Variants in TPST1 observed in about 807,000 individuals in gnomAD.
TPST1 encodes tyrosylprotein sulfotransferase 1.
A neutral mutation model predicts 34.8 loss-of-function variants in TPST1; 20 were observed. That is an observed-to-expected ratio of 0.57 (90% confidence interval 0.40 to 0.84). TPST1 has a LOEUF of 0.84. Ranked by LOEUF, TPST1 falls within the 40% of genes least tolerant of loss-of-function variation. TPST1 has a pLI of 0.00. For missense variants in TPST1, 353 were observed against 455.5 expected (o/e 0.78, Z 2.05); for synonymous variants, 152 against 159.4 (o/e 0.95, Z 0.35).
intron 3 of TPST1, among the ~76,000 whole-genome samples, chr7:66,331,954 T>G (rs1309471796): frequency 6.6e-6 from 1 of 152,206 alleles, no homozygotes; most frequent in Non-Finnish European, 1.5e-5. Flanking sequence ...GATCTTTCAC[T>G]GTCTCCGATC....
At chr7:66,212,837 G>A (rs1789294467) in intron 1 of TPST1, among the ~76,000 whole-genome samples, 1 of 152,024 alleles carries the variant, frequency 6.6e-6, no homozygotes, top group African/African-American at 2.4e-5. Flanking sequence ...TTAAGATTTT[G>A]TCAGCTGTTT....
At chr7:66,200,993 G>A (rs1562789789), upstream of TPST1, among the ~76,000 whole-genome samples, 1 of 152,110 alleles carries the variant, frequency 6.6e-6, no homozygotes, top group Non-Finnish European at 1.5e-5. Context: ...CTCCCAAAGT[G>A]CTGGCATTAC....
At chr7:66,260,031 G>C (rs1039014436) in intron 2 of TPST1, among the ~76,000 whole-genome samples, 1 of 152,070 alleles carries the variant, frequency 6.6e-6, no homozygotes, top group Non-Finnish European at 1.5e-5. Flanking sequence ...TTCAGATTGG[G>C]CTCTTTCACT....
At chr7:66,211,475 G>A (rs1038204862) in intron 1 of TPST1, among the ~76,000 whole-genome samples, 4 of 152,130 alleles carry the variant, frequency 2.6e-5, no homozygotes, top group Non-Finnish European at 4.4e-5. Flanking sequence ...CTGAAACCAT[G>A]CCTTATTTAT....
chr7:66,250,459 A>G (rs966893828), intron 2 of TPST1, among the ~76,000 whole-genome samples: 1 of 152,222 alleles, frequency 6.6e-6, no homozygotes, highest in South Asian at 2.1e-4. Context: ...CATAGGTTCA[A>G]ATCCTAGCAC....
At chr7:66,352,113 T>C (rs1441727785) in intron 3 of TPST1, among the ~76,000 whole-genome samples, 1 of 152,188 alleles carries the variant, frequency 6.6e-6, no homozygotes, top group Non-Finnish European at 1.5e-5. Context: ...CCTTGGAGAA[T>C]TCAAAAGGAA....
chr7:66,203,671 G>A (rs1789062012), upstream of TPST1, among the ~76,000 whole-genome samples: 1 of 151,620 alleles, frequency 6.6e-6, no homozygotes, highest in Admixed American at 6.6e-5. Flanking sequence ...ATTTTTAGTA[G>A]AGACGGGGTT....
chr7:66,234,826 G>A (rs904101631), intron 1 of TPST1, among the ~76,000 whole-genome samples: 1 of 151,452 alleles, frequency 6.6e-6, no homozygotes, highest in African/African-American at 2.4e-5. Context: ...ACAGGTGCCC[G>A]CCAACACGCC....
At chr7:66,295,851 G>T (rs1791181833) in intron 3 of TPST1, among the ~76,000 whole-genome samples, 1 of 151,992 alleles carries the variant, frequency 6.6e-6, no homozygotes, top group African/African-American at 2.4e-5. Flanking sequence ...GTGTTGGCCT[G>T]GCTGATCTCA....
In TPST1 at chr7:66,336,011, T is replaced by TA. The variant is rs550156659; in HGVS notation, c.1045-16489dup. Among the ~76,000 whole-genome samples, 16 of 152,266 alleles carry TA rather than the reference T, an allele frequency of 1.1e-4. No individual in the cohort carries two copies. In the South Asian group the frequency reaches 3.3e-3, roughly 32 times the overall value. On this transcript the variant is annotated intron_variant, in intron 3 of 5. Coordinates refer to ENST00000304842, the MANE Select transcript of TPST1 (RefSeq NM_003596.4). ...ACAGAGAATTCAGAATAAGCCTCTT[T>TA]AAAAAGTTCAGTGAATCTGCCAGGC...
chr7:66,263,739 CA>C (rs1790533515), intron 2 of TPST1, among the ~76,000 whole-genome samples: 1 of 152,130 alleles, frequency 6.6e-6, no homozygotes, highest in South Asian at 2.1e-4. Context: ...AGGAGAGAGG[CA>C]TTTCAAGTGG....
Position 66,236,958 on chromosome 7 carries a change from C to A in TPST1, c.-101-3367C>A, listed in dbSNP as rs986214717. 5.3e-5 allele frequency among the ~76,000 whole-genome samples: 8 copies of A among 152,186 alleles called. No homozygotes were observed. The South Asian group carries it at 1.4e-3, about 28-fold the overall frequency. ...AGGCATTTGTCCTCTGCCAGTAGAT[C>A]TCTGTGGGTAGGGAGCACATACAAA... On this transcript the variant is annotated intron_variant, in intron 1 of 5. Transcript: ENST00000304842.
At chr7:66,300,978 C>T (rs1224680466) in intron 3 of TPST1, among the ~76,000 whole-genome samples, 3 of 151,774 alleles carry the variant, frequency 2.0e-5, no homozygotes, top group African/African-American at 7.3e-5. Context: ...ACCAACTTGA[C>T]AGTAGAAATT....
At chr7:66,272,106 T>TC (rs1188884210) in intron 2 of TPST1, among the ~76,000 whole-genome samples, 1 of 152,218 alleles carries the variant, frequency 6.6e-6, no homozygotes, top group Non-Finnish European at 1.5e-5. Flanking sequence ...TTCTTCCATA[T>TC]GTATATTAAA....
chr7:66,266,094 A>G (rs894888517), intron 2 of TPST1, among the ~76,000 whole-genome samples: 1 of 152,222 alleles, frequency 6.6e-6, no homozygotes, highest in African/African-American at 2.4e-5. Context: ...TTAACTTAGC[A>G]CTGGCCCAAG....
In TPST1 at chr7:66,328,906, A is replaced by ATATTTTTT. The variant is rs1299138303; in HGVS notation, c.1045-23598_1045-23597insATTTTTTT. The stretch of plus-strand genomic sequence containing the variant: ...TCTCTCTATATATATATATATATAT[A>ATATTTTTT]TTTTTTTTTTTTTTTTTTTTTTTGA... On this transcript the variant is annotated intron_variant, in intron 3 of 5. Coordinates refer to ENST00000304842, the MANE Select transcript of TPST1 (RefSeq NM_003596.4). Among the ~76,000 whole-genome samples the ATATTTTTT allele has an allele frequency of 8.4e-4, 11 of 13,158 alleles. 1 individual carries two copies. Among genetic ancestry groups the ATATTTTTT allele is most frequent in the African/African-American group, 3.4e-3 (6 of 1,772 alleles). 8.6% of individuals were successfully genotyped at this position (13,158 alleles called of 152,430 possible).
upstream of TPST1, among the ~76,000 whole-genome samples, chr7:66,202,975 C>T (rs1035823417): frequency 2.6e-5 from 4 of 152,086 alleles, no homozygotes; most frequent in Non-Finnish European, 4.4e-5. Context: ...ACTGGGGAGG[C>T]TGAGGCTGAA....
chr7:66,258,844 C>A (rs1056426200), intron 2 of TPST1, among the ~76,000 whole-genome samples: 7 of 152,212 alleles, frequency 4.6e-5, no homozygotes, highest in African/African-American at 1.4e-4. Context: ...CACATTTGTG[C>A]ATAGTGTGGA....
intron 1 of TPST1, among the ~76,000 whole-genome samples, chr7:66,208,902 A>C (rs546177488): frequency 6.6e-6 from 1 of 152,254 alleles, no homozygotes; most frequent in Non-Finnish European, 1.5e-5. Context: ...CATAGTGCTC[A>C]GTAAACTAAG....
Sources: allele counts gnomAD v4.1 joint callset (sites outside exome capture counted in the v4.1 genomes callset), GRCh38; gene constraint gnomAD v4.1.1; transcripts MANE v1.5; gene names NCBI Gene and HGNC (gene_info 2026-07-23, HGNC 2026-07-21).